PTPRD: variants seen among roughly 807,000 people sequenced by gnomAD.
The protein encoded by PTPRD is receptor-type tyrosine-protein phosphatase delta.
PTPRD carries 34 observed loss-of-function variants against 214.5 expected under a neutral mutation model. The observed-to-expected ratio is 0.16, with a 90% CI of 0.12 to 0.21. The LOEUF (loss-of-function observed/expected upper bound fraction) is 0.21, where lower values mean the gene tolerates loss of function less well. PTPRD is among the 10% of genes least tolerant of loss of function. The pLI is 1.00. For synonymous variants in PTPRD, 1,128 were observed against 845.7 expected (o/e 1.33, Z -5.79); for missense variants, 2,545 against 2,398.7 (o/e 1.06, Z -1.27).
chr9:10,581,370 G>T (rs545385726), intron 2 of PTPRD, among the ~76,000 whole-genome samples: 3 of 152,280 alleles, frequency 2.0e-5, no homozygotes, highest in South Asian at 2.1e-4. Flanking sequence ...ACCCTTGAAA[G>T]GAGACTGACA....
intron 4 of PTPRD, among the ~76,000 whole-genome samples, chr9:9,987,148 C>T (rs2095742982): frequency 6.6e-6 from 1 of 151,940 alleles, no homozygotes; most frequent in Admixed American, 6.6e-5. Context: ...TTTTTGAACT[C>T]CAACCAACAA....
chr9:10,327,780 G>T (rs987475152), intron 3 of PTPRD, among the ~76,000 whole-genome samples: 7 of 151,570 alleles, frequency 4.6e-5, no homozygotes, highest in Admixed American at 4.0e-4. Flanking sequence ...TTTACATCAG[G>T]ACAAGAATTT....
At chr9:9,137,641 G>C (rs1483760867) in intron 10 of PTPRD, among the ~76,000 whole-genome samples, 1 of 152,060 alleles carries the variant, frequency 6.6e-6, no homozygotes, top group Non-Finnish European at 1.5e-5. Context: ...AAACAAATTA[G>C]TTTATTTACT....
intron 2 of PTPRD, among the ~76,000 whole-genome samples, chr9:10,384,678 G>A (rs373913037): frequency 6.6e-6 from 1 of 150,746 alleles, no homozygotes; most frequent in Non-Finnish European, 1.5e-5. Context: ...AAATAAGAAC[G>A]TTTGTCAAAG....
At chr9:8,666,346 T>A (rs1280900333) in intron 12 of PTPRD, among the ~76,000 whole-genome samples, 1 of 152,206 alleles carries the variant, frequency 6.6e-6, no homozygotes, top group Non-Finnish European at 1.5e-5. Flanking sequence ...TCAGAAGGAA[T>A]AGTTAGAGAT....
At chr9:9,576,004 G>A (rs767666906) in intron 7 of PTPRD, among the ~76,000 whole-genome samples, 1 of 151,932 alleles carries the variant, frequency 6.6e-6, no homozygotes, top group African/African-American at 2.4e-5. Context: ...ATGACTGGTA[G>A]GTCTACAAGT....
chr9:10,315,564 G>T (rs554606892), intron 3 of PTPRD, among the ~76,000 whole-genome samples: 1 of 151,956 alleles, frequency 6.6e-6, no homozygotes, highest in African/African-American at 2.4e-5. Context: ...TTTAAACAAT[G>T]TGTTTGCATT....
chr9:10,055,876 T>C (rs957755455), intron 3 of PTPRD, among the ~76,000 whole-genome samples: 1 of 151,592 alleles, frequency 6.6e-6, no homozygotes, highest in African/African-American at 2.4e-5. Context: ...TGTGTATATA[T>C]ATATAAATGT....
intron 3 of PTPRD, among the ~76,000 whole-genome samples, chr9:10,326,451 T>A (rs2096644718): frequency 6.6e-6 from 1 of 151,694 alleles, no homozygotes; most frequent in Admixed American, 6.6e-5. Flanking sequence ...TAGAAATTAG[T>A]TAGATATTAT....
intron 2 of PTPRD, among the ~76,000 whole-genome samples, chr9:10,592,706 G>A (rs1036509757): frequency 2.6e-5 from 4 of 151,880 alleles, no homozygotes; most frequent in Admixed American, 6.6e-5. Context: ...CTGTAAAAAC[G>A]CACCAATCAG....
At chr9:9,100,578 ATTTG>A (rs755236569) in intron 10 of PTPRD, among the ~76,000 whole-genome samples, 1 of 152,166 alleles carries the variant, frequency 6.6e-6, no homozygotes, top group African/African-American at 2.4e-5. Context: ...CACATTTATC[ATTTG>A]TTTGTTTTTA....
At chr9:9,429,525 G>A (rs1262190521) in intron 8 of PTPRD, among the ~76,000 whole-genome samples, 1 of 152,228 alleles carries the variant, frequency 6.6e-6, no homozygotes, top group African/African-American at 2.4e-5. Context: ...AGTAGAAAAA[G>A]AGGGAATCCT....
chr9:9,855,835 T>A (rs971688697), intron 5 of PTPRD, among the ~76,000 whole-genome samples: 5 of 152,206 alleles, frequency 3.3e-5, no homozygotes, highest in East Asian at 1.9e-4. Context: ...TAGGGCTTTT[T>A]AGCTCTGCAG....
chr9:8,391,327 C>A (rs2089473425), intron 36 of PTPRD, among the ~76,000 whole-genome samples: 1 of 152,102 alleles, frequency 6.6e-6, no homozygotes. Context: ...TGGAATACCA[C>A]CAGCATTAGT....
chr9:10,114,548 T>C (rs1002478985), intron 3 of PTPRD, among the ~76,000 whole-genome samples: 2 of 152,044 alleles, frequency 1.3e-5, no homozygotes, highest in African/African-American at 2.4e-5. Flanking sequence ...CTTATACATA[T>C]ATATGTGCAT....
intron 3 of PTPRD, among the ~76,000 whole-genome samples, chr9:10,276,346 C>A (rs1250945792): frequency 6.6e-6 from 1 of 152,078 alleles, no homozygotes; most frequent in Non-Finnish European, 1.5e-5. Flanking sequence ...CTATTATTTG[C>A]CCCCAAGGAC....
intron 10 of PTPRD, among the ~76,000 whole-genome samples, chr9:9,088,679 A>G (rs915071884): frequency 6.6e-6 from 1 of 151,382 alleles, no homozygotes; most frequent in African/African-American, 2.4e-5. Flanking sequence ...AGAGTACTCC[A>G]TATTAGCCCT....
At chr9:8,845,293 T>C (rs2097667950) in intron 11 of PTPRD, among the ~76,000 whole-genome samples, 2 of 152,208 alleles carry the variant, frequency 1.3e-5, no homozygotes, top group African/African-American at 4.8e-5. Flanking sequence ...TTATCTCCTT[T>C]GATGGCAAAG....
At chr9:10,163,390 G>T (rs1454198205) in intron 3 of PTPRD, among the ~76,000 whole-genome samples, 1 of 151,194 alleles carries the variant, frequency 6.6e-6, no homozygotes, top group Non-Finnish European at 1.5e-5. Flanking sequence ...TCCTTTAACT[G>T]TTATAACATT....
Sources: allele counts gnomAD v4.1 joint callset (sites outside exome capture counted in the v4.1 genomes callset), GRCh38; gene constraint gnomAD v4.1.1; transcripts MANE v1.5; gene names NCBI Gene and HGNC (gene_info 2026-07-23, HGNC 2026-07-21).